Variants in ETV6 observed in about 807,000 individuals in gnomAD.
ETV6 encodes ETS variant transcription factor 6.
In ETV6, 16 loss-of-function variants were observed where a neutral mutation model predicts 51.1. The observed-to-expected ratio is 0.31, with a 90% confidence interval of 0.21 to 0.48. ETV6 has a LOEUF of 0.48. ETV6 is among the 20% of genes least tolerant of loss of function. The pLI is 0.99. For missense variants in ETV6, 458 were observed against 594.8 expected (o/e 0.77, Z 2.39); for synonymous variants, 240 against 224.1 (o/e 1.07, Z -0.64).
intron 2 of ETV6, among the ~76,000 whole-genome samples, chr12:11,760,094 C>G (rs368423738): frequency 6.6e-6 from 1 of 152,204 alleles, no homozygotes; most frequent in Non-Finnish European, 1.5e-5. Flanking sequence ...TTTTTCTGAT[C>G]TCTTCTGAAG....
intron 2 of ETV6, among the ~76,000 whole-genome samples, chr12:11,793,709 A>G (rs1183584834): frequency 6.6e-6 from 1 of 152,172 alleles, no homozygotes; most frequent in Non-Finnish European, 1.5e-5. Flanking sequence ...AAGAAAGATC[A>G]AGGATGAGTA....
At chr12:11,854,810 C>T (rs1243714474) in intron 4 of ETV6, among the ~76,000 whole-genome samples, 1 of 152,122 alleles carries the variant, frequency 6.6e-6, no homozygotes, top group East Asian at 1.9e-4. Flanking sequence ...AATCTATGAA[C>T]TCAGTGTTGG....
At chr12:11,776,029 G>C (rs1401195732) in intron 2 of ETV6, among the ~76,000 whole-genome samples, 1 of 152,154 alleles carries the variant, frequency 6.6e-6, no homozygotes, top group African/African-American at 2.4e-5. Flanking sequence ...CCTGCTAATT[G>C]TGCTTGATGG....
chr12:11,808,097 T>C (rs559184850), intron 2 of ETV6, among the ~76,000 whole-genome samples: 1 of 152,272 alleles, frequency 6.6e-6, no homozygotes, highest in East Asian at 1.9e-4. Flanking sequence ...GAATTCTCAA[T>C]GTAAGTCATT....
chr12:11,715,194 A>G (rs1865252175), intron 1 of ETV6, among the ~76,000 whole-genome samples: 1 of 152,154 alleles, frequency 6.6e-6, no homozygotes, highest in Admixed American at 6.5e-5. Context: ...AATATAGGCT[A>G]TTTCTCTTTT....
chr12:11,716,684 A>G (rs1865286464), intron 1 of ETV6: 1 of 152,254 alleles, frequency 6.6e-6, no homozygotes, highest in African/African-American at 2.4e-5. Flanking sequence ...AAGGGACTCA[A>G]ACAAGAGCAT....
intron 1 of ETV6, among the ~76,000 whole-genome samples, chr12:11,651,917 T>C (rs1863914652): frequency 2.0e-5 from 3 of 152,200 alleles, no homozygotes; most frequent in South Asian, 4.1e-4. Context: ...GATGGGCTTA[T>C]GGTGGTGTGC....
At chr12:11,883,276 C>CTTCTTTTTTTTTTTTTTTT (rs776231778) in intron 5 of ETV6, among the ~76,000 whole-genome samples, 2 of 79,108 alleles carry the variant, frequency 2.5e-5, no homozygotes, top group African/African-American at 1.5e-4. Context: ...ATGTCTTCTT[C>CTTCTTTTTTTTTTTTTTTT]TTTTTTTTTT....
intron 1 of ETV6, among the ~76,000 whole-genome samples, chr12:11,658,569 C>T (rs1035937896): frequency 2.4e-4 from 37 of 152,324 alleles, no homozygotes; most frequent in African/African-American, 7.9e-4. Context: ...TGCTCAAGCT[C>T]GTGTGGCTAG....
chr12:11,770,553 A>G (rs931604918), intron 2 of ETV6, among the ~76,000 whole-genome samples: 2 of 152,168 alleles, frequency 1.3e-5, no homozygotes, highest in African/African-American at 4.8e-5. Context: ...GCCACTGTCA[A>G]CCGGATGCTA....
intron 5 of ETV6, among the ~76,000 whole-genome samples, chr12:11,882,911 T>G (rs372789797): frequency 1.1e-4 from 16 of 152,188 alleles, no homozygotes; most frequent in African/African-American, 3.9e-4. Flanking sequence ...AGAAAGAACA[T>G]TGTAGTGCAG....
At chr12:11,886,075 C>G in intron 7 of ETV6, 49 bp downstream of exon 7, 1 of 1,371,760 alleles carries the variant, frequency 7.3e-7, no homozygotes, top group Non-Finnish European at 1.0e-6. Context: ...ATGCTGTTTT[C>G]TTTAAATAAC....
At chr12:11,707,104 A>G (rs1443233888) in intron 1 of ETV6, among the ~76,000 whole-genome samples, 1 of 152,230 alleles carries the variant, frequency 6.6e-6, no homozygotes, top group Non-Finnish European at 1.5e-5. Flanking sequence ...ACAGGCCTCA[A>G]CAATCAAACC....
rs543124925 is a variant in ETV6 at position 11,882,576 on chromosome 12, G to A, written c.1010-1869G>A. Among the ~76,000 whole-genome samples the A allele has an allele frequency of 5.9e-5, 9 of 152,296 alleles. No homozygotes were observed. In the South Asian group the frequency reaches 1.2e-3, roughly 21 times the overall value. On this transcript the variant is annotated intron_variant, in intron 5 of 7. Transcript: ENST00000396373. ...AGGGTCAGATGTAACCAGGCTTGTC[G>A]AAGCCACAGCACAGTACCTACAAAT...
At chr12:11,749,993 A>G (rs571090492) in intron 1 of ETV6, among the ~76,000 whole-genome samples, 2 of 152,362 alleles carry the variant, frequency 1.3e-5, no homozygotes, top group South Asian at 4.1e-4. Flanking sequence ...AGAAACCATC[A>G]TCAGGAATGT....
intron 2 of ETV6, among the ~76,000 whole-genome samples, chr12:11,781,887 C>G (rs972689977): frequency 6.6e-6 from 1 of 152,136 alleles, no homozygotes; most frequent in African/African-American, 2.4e-5. Context: ...TTGAATGGGA[C>G]GGGACCTGTG....
At chr12:11,743,782 C>T (rs1865854617) in intron 1 of ETV6, among the ~76,000 whole-genome samples, 1 of 152,182 alleles carries the variant, frequency 6.6e-6, no homozygotes, top group Admixed American at 6.5e-5. Context: ...GGTTGTGAGT[C>T]TGAGCCGTCG....
At position 11,884,511 on chromosome 12, in the gene ETV6, G is replaced by A. The variant is rs746162086; in HGVS notation, c.1076G>A (p.Arg359Gln). ...GACAGCCGGTACGAAAACTTCATCC[G>A]ATGGGAGGACAAAGAATCCAAAATA... ...LSDSRYENFIRWEDKESKIFR... is the reference protein window; with the variant it reads ...LSDSRYENFIQWEDKESKIFR... The change falls in exon 6 of 8, where the codon CGA becomes CAA. Residue 359 changes from arginine (R) to glutamine (Q), a missense_variant. Coordinates refer to ENST00000396373, the MANE Select transcript of ETV6 (RefSeq NM_001987.5). 5.6e-6 allele frequency: 9 copies of A among 1,614,170 alleles called. No homozygotes were observed. Among genetic ancestry groups the A allele is most frequent in the Non-Finnish European group, 6.8e-6 (8 of 1,180,020 alleles).
chr12:11,680,911 T>C (rs1864515861), intron 1 of ETV6, among the ~76,000 whole-genome samples: 1 of 152,232 alleles, frequency 6.6e-6, no homozygotes, highest in African/African-American at 2.4e-5. Context: ...CCTTACTTTC[T>C]GTTCTTTAAA....
Sources: allele counts gnomAD v4.1 joint callset (sites outside exome capture counted in the v4.1 genomes callset), GRCh38; gene constraint gnomAD v4.1.1; transcripts MANE v1.5; gene names NCBI Gene and HGNC (gene_info 2026-07-23, HGNC 2026-07-21).